Variants in WWOX observed in about 807,000 individuals in gnomAD.
WWOX encodes WW domain containing oxidoreductase, also known as WW domain-containing oxidoreductase.
Under a neutral mutation model 46.2 loss-of-function variants are expected in WWOX, and 69 were observed. The observed-to-expected ratio is 1.49, with a 90% CI of 1.23 to 1.82. WWOX has a LOEUF of 1.82. Among genes scored for constraint, WWOX ranks in the 40% most tolerant of loss-of-function variants. The pLI, the probability that WWOX is intolerant of heterozygous loss-of-function variation, is 0.00. For synonymous variants in WWOX, 359 were observed against 202.6 expected (o/e 1.77, Z -6.56); for missense variants, 919 against 542.6 (o/e 1.69, Z -6.89).
At chr16:78,129,202 C>G (rs575289676) in intron 4 of WWOX, among the ~76,000 whole-genome samples, 1 of 152,072 alleles carries the variant, frequency 6.6e-6, no homozygotes, top group Non-Finnish European at 1.5e-5. Context: ...TGGCCTGATC[C>G]GGGAGGGATT....
At position 79,020,242 on chromosome 16, in the gene WWOX, G is replaced by A. The variant is rs150949909; in HGVS notation, c.1057-191366G>A. 3.4e-3 allele frequency among the ~76,000 whole-genome samples: 512 copies of A among 152,352 alleles called. 4 individuals are homozygous for A. The highest frequency in any genetic ancestry group is 0.012 in the African/African-American group (484 of 41,588). On this transcript the variant is annotated intron_variant, in intron 8 of 8. Coordinates refer to ENST00000566780, the MANE Select transcript of WWOX (RefSeq NM_016373.4). ...ATTGAGAGACATAAGGATGCTGCAA[G>A]GCGCAGTGCTGGATGGAGAGGACAG...
intron 8 of WWOX, among the ~76,000 whole-genome samples, chr16:78,719,825 A>T (rs1444186989): frequency 6.6e-6 from 1 of 152,178 alleles, no homozygotes; most frequent in Non-Finnish European, 1.5e-5. Context: ...CCAATCAAAA[A>T]CAAACAAATA....
At chr16:79,084,702 C>G (rs142089485) in intron 8 of WWOX, among the ~76,000 whole-genome samples, 1 of 152,086 alleles carries the variant, frequency 6.6e-6, no homozygotes, top group Non-Finnish European at 1.5e-5. Flanking sequence ...CATGAGCCAC[C>G]GCACCTGGAG....
At chr16:78,974,918 T>C (rs538713070) in intron 8 of WWOX, among the ~76,000 whole-genome samples, 50 of 152,156 alleles carry the variant, frequency 3.3e-4, no homozygotes, top group Non-Finnish European at 5.7e-4. Flanking sequence ...GGTCCACCGA[T>C]GCAGCCTCGG....
chr16:78,780,917 G>T (rs570765663), intron 8 of WWOX, among the ~76,000 whole-genome samples: 1 of 152,166 alleles, frequency 6.6e-6, no homozygotes, highest in Admixed American at 6.5e-5. Flanking sequence ...GGGGAGCATG[G>T]GTTCAGAGAG....
chr16:79,145,899 T>G (rs957524964), intron 8 of WWOX, among the ~76,000 whole-genome samples: 1 of 152,214 alleles, frequency 6.6e-6, no homozygotes, highest in Admixed American at 6.5e-5. Context: ...AATACCTGTA[T>G]TAAAATTATA....
At chr16:79,042,789 G>A (rs1407897310) in intron 8 of WWOX, among the ~76,000 whole-genome samples, 1 of 139,578 alleles carries the variant, frequency 7.2e-6, no homozygotes, top group Non-Finnish European at 1.5e-5. Context: ...ATGCACATTT[G>A]TCTAATATAC....
chr16:78,888,381 C>T (rs780307846), intron 8 of WWOX, among the ~76,000 whole-genome samples: 10 of 152,268 alleles, frequency 6.6e-5, no homozygotes, highest in South Asian at 2.1e-4. Flanking sequence ...GCTCCCTTGG[C>T]CCTTGGGTCC....
chr16:78,605,094 A>C (rs978677684), intron 8 of WWOX, among the ~76,000 whole-genome samples: 4 of 149,426 alleles, frequency 2.7e-5, no homozygotes, highest in Admixed American at 2.7e-4. Flanking sequence ...TCAGTTGGCA[A>C]ACTTAAAAGT....
intron 8 of WWOX, among the ~76,000 whole-genome samples, chr16:78,728,598 C>G (rs2048891396): frequency 6.6e-6 from 1 of 152,156 alleles, no homozygotes; most frequent in African/African-American, 2.4e-5. Flanking sequence ...CCTTAGCATT[C>G]TGATGAAAAG....
At chr16:78,472,293 C>G (rs959991801) in intron 8 of WWOX, among the ~76,000 whole-genome samples, 2 of 152,126 alleles carry the variant, frequency 1.3e-5, no homozygotes, top group Non-Finnish European at 2.9e-5. Context: ...TGGTCAGCCT[C>G]TTATCTCATA....
At chr16:78,320,129 G>A (rs1420028110) in intron 5 of WWOX, among the ~76,000 whole-genome samples, 1 of 152,158 alleles carries the variant, frequency 6.6e-6, no homozygotes, top group Non-Finnish European at 1.5e-5. Flanking sequence ...TTTACTCAAT[G>A]TTTTCTCAGC....
chr16:79,027,642 T>C (rs1284486600), intron 8 of WWOX, among the ~76,000 whole-genome samples: 1 of 151,898 alleles, frequency 6.6e-6, no homozygotes, highest in Non-Finnish European at 1.5e-5. Flanking sequence ...ATTCGGTCAT[T>C]GTTATAAGCC....
intron 8 of WWOX, among the ~76,000 whole-genome samples, chr16:79,095,847 A>G (rs1440746482): frequency 1.4e-5 from 2 of 145,612 alleles, no homozygotes; most frequent in African/African-American, 2.6e-5. Context: ...TCACTGCTCA[A>G]TTCTCTCTCT....
chr16:78,601,929 T>C lies in WWOX; in HGVS notation c.1056+169177T>C, dbSNP rs2045632346. ...TGATCCAATTGTTTTATTAGCGAAA[T>C]CATCATCTGTTTCATTTTGCTTTGG... On this transcript the variant is annotated intron_variant, in intron 8 of 8. Coordinates refer to ENST00000566780, the MANE Select transcript of WWOX (RefSeq NM_016373.4). Among the ~76,000 whole-genome samples the C allele has an allele frequency of 3.9e-5, 6 of 152,194 alleles. No individual in the cohort carries two copies. The South Asian group carries it at 1.2e-3, about 32-fold the overall frequency.
intron 6 of WWOX, among the ~76,000 whole-genome samples, chr16:78,391,888 T>C (rs1274462538): frequency 6.6e-6 from 1 of 152,054 alleles, no homozygotes; most frequent in Non-Finnish European, 1.5e-5. Flanking sequence ...ACAAGAAACA[T>C]TTCTTTTGTG....
intron 8 of WWOX, among the ~76,000 whole-genome samples, chr16:78,581,078 C>G (rs2045040300): frequency 6.6e-6 from 1 of 151,576 alleles, no homozygotes; most frequent in African/African-American, 2.4e-5. Flanking sequence ...TTTTTTTAAT[C>G]TAAGAGCTTT....
intron 8 of WWOX, among the ~76,000 whole-genome samples, chr16:78,609,432 A>G (rs1054035391): frequency 8.5e-5 from 13 of 152,108 alleles, no homozygotes; most frequent in African/African-American, 2.2e-4. Flanking sequence ...TTAAAGCGAT[A>G]GTCCTATTTT....
chr16:78,254,667 G>A (rs1350163215), intron 5 of WWOX, among the ~76,000 whole-genome samples: 5 of 151,724 alleles, frequency 3.3e-5, no homozygotes, highest in Non-Finnish European at 5.9e-5. Flanking sequence ...GCACCCGGGT[G>A]CATGCCACTG....
Sources: allele counts gnomAD v4.1 joint callset (sites outside exome capture counted in the v4.1 genomes callset), GRCh38; gene constraint gnomAD v4.1.1; transcripts MANE v1.5; gene names NCBI Gene and HGNC (gene_info 2026-07-23, HGNC 2026-07-21).